Variants in RREB1 observed in about 807,000 individuals in gnomAD.
The protein encoded by RREB1 is ras-responsive element-binding protein 1.
RREB1 carries 27 observed loss-of-function variants against 117.8 expected under a neutral mutation model. The observed-to-expected ratio is 0.23, with a 90% CI of 0.17 to 0.32. The LOEUF is 0.32. Among genes scored for constraint, RREB1 ranks in the 10% least tolerant of loss-of-function variants. The pLI is 1.00. For missense variants in RREB1, 2,577 were observed against 2,378.2 expected (o/e 1.08, Z -1.74); for synonymous variants, 1,298 against 1,026.7 (o/e 1.26, Z -5.05).
rs965683107 is a variant in RREB1, at chr6:7,142,254, A to AG, written c.-285+34196dup. ...AAAAAAGGCTATTTTCTGAGAATGG[A>AG]GGTGGAGGACCACACAAAACCCAGC... On this transcript the variant is annotated intron_variant, in intron 1 of 12. Transcript: ENST00000379938. Among the ~76,000 whole-genome samples the AG allele has an allele frequency of 2.5e-4, 37 of 149,922 alleles. 1 individual carries two copies. Among genetic ancestry groups the AG allele is most frequent in the Admixed American group, 2.1e-3 (32 of 15,098 alleles).
rs192878994 is a variant in RREB1, at chr6:7,209,943, T to C, written c.426-861T>C. Among the ~76,000 whole-genome samples the C allele has an allele frequency of 9.2e-5, 14 of 152,394 alleles. No individual in the cohort carries two copies. The East Asian group carries it at 1.5e-3, about 17-fold the overall frequency. The stretch of plus-strand genomic sequence containing the variant: ...GTGATGAGGGTGATGATGATTGTCA[T>C]TGGCAAAACTAAATCATTTTTATGT... On this transcript the variant is annotated intron_variant, in intron 6 of 12. Coordinates refer to ENST00000379938, the MANE Select transcript of RREB1 (RefSeq NM_001003699.4).
intron 11 of RREB1, among the ~76,000 whole-genome samples, chr6:7,245,259 G>A (rs1768936075): frequency 6.6e-6 from 1 of 152,188 alleles, no homozygotes; most frequent in African/African-American, 2.4e-5. Flanking sequence ...AGCTGGGCGT[G>A]GTGGTGGGCG....
chr6:7,140,996 C>G (rs2113384187), intron 1 of RREB1, among the ~76,000 whole-genome samples: 1 of 152,336 alleles, frequency 6.6e-6, no homozygotes, highest in East Asian at 1.9e-4. Context: ...GGAACACGGT[C>G]TGAGTAGAGT....
At chr6:7,205,512 C>T (rs1766221161) in intron 6 of RREB1, among the ~76,000 whole-genome samples, 1 of 152,222 alleles carries the variant, frequency 6.6e-6, no homozygotes, top group South Asian at 2.1e-4. Flanking sequence ...TCTGTCTACA[C>T]CATCTTTCCA....
At chr6:7,127,580 T>C (rs965147751) in intron 1 of RREB1, among the ~76,000 whole-genome samples, 8 of 152,208 alleles carry the variant, frequency 5.3e-5, no homozygotes, top group African/African-American at 1.7e-4. Flanking sequence ...CTCAAAAATA[T>C]TGAGGATGGA....
At chr6:7,117,286 C>T (rs1055076843) in intron 1 of RREB1, among the ~76,000 whole-genome samples, 2 of 149,166 alleles carry the variant, frequency 1.3e-5, no homozygotes, top group Non-Finnish European at 3.0e-5. Context: ...TCTTAATTTT[C>T]TCATAAAAGA....
chr6:7,138,530 T>C (rs936150310), intron 1 of RREB1, among the ~76,000 whole-genome samples: 8 of 152,224 alleles, frequency 5.3e-5, no homozygotes, highest in African/African-American at 1.9e-4. Flanking sequence ...AATGAAAGTT[T>C]AGTCATTGTA....
At chr6:7,158,871 T>C (rs1227332368) in intron 1 of RREB1, among the ~76,000 whole-genome samples, 3 of 152,198 alleles carry the variant, frequency 2.0e-5, no homozygotes, top group Admixed American at 6.5e-5. Context: ...GACTCTTTTT[T>C]TTTTAAACCT....
chr6:7,116,351 CTT>C (rs113944793), intron 1 of RREB1, among the ~76,000 whole-genome samples: 1 of 152,140 alleles, frequency 6.6e-6, no homozygotes, highest in African/African-American at 2.4e-5. Context: ...ATTTTGTACT[CTT>C]TTTTTCAAGA....
chr6:7,248,407 C>T (rs1038515986), intron 12 of RREB1, 104 bp from the exon 13 acceptor site: 13 of 961,824 alleles, frequency 1.4e-5, no homozygotes, highest in Non-Finnish European at 2.1e-5. Flanking sequence ...GGAGTCCTGG[C>T]CCCCCGCACA....
chr6:7,184,272 T>C (rs771824587), intron 4 of RREB1, among the ~76,000 whole-genome samples: 14 of 148,394 alleles, frequency 9.4e-5, no homozygotes, highest in Non-Finnish European at 1.8e-4. Context: ...TTTATTATTA[T>C]TATTTTTTTT....
At chr6:7,117,241 A>C (rs557320200) in intron 1 of RREB1, among the ~76,000 whole-genome samples, 24 of 152,234 alleles carry the variant, frequency 1.6e-4, no homozygotes, top group Non-Finnish European at 2.5e-4. Flanking sequence ...TCAGTGTAAA[A>C]AACAAAACAT....
chr6:7,108,760 G>C (rs1052254127), intron 1 of RREB1: 2 of 151,876 alleles, frequency 1.3e-5, no homozygotes, highest in African/African-American at 4.8e-5. Flanking sequence ...GGGGCTGCTC[G>C]GTGGGAGCAT....
chr6:7,218,792 TTCTATCCCA>T (rs1767057712), intron 8 of RREB1: 1 of 150,310 alleles, frequency 6.7e-6, no homozygotes, highest in Non-Finnish European at 1.5e-5. Context: ...CACACTGCAT[TTCTATCCCA>T]GCTCAGAATT....
intron 6 of RREB1, among the ~76,000 whole-genome samples, chr6:7,197,201 A>C (rs1765720015): frequency 6.6e-6 from 1 of 152,204 alleles, no homozygotes; most frequent in Non-Finnish European, 1.5e-5. Flanking sequence ...TGTCTCTAAA[A>C]CTGGTATTTT....
At chr6:7,227,427 G>A (rs1767646049) in intron 9 of RREB1, among the ~76,000 whole-genome samples, 1 of 151,956 alleles carries the variant, frequency 6.6e-6, no homozygotes. Flanking sequence ...TGTAATCCCA[G>A]CTACTCGGGA....
At chr6:7,136,489 C>T (rs190635157) in intron 1 of RREB1, among the ~76,000 whole-genome samples, 77 of 152,154 alleles carry the variant, frequency 5.1e-4, no homozygotes, top group African/African-American at 1.6e-3. Flanking sequence ...TTGCCCAGGC[C>T]GGTCTCGAAC....
intron 6 of RREB1, among the ~76,000 whole-genome samples, chr6:7,192,531 G>T (rs1055961543): frequency 2.0e-5 from 3 of 152,098 alleles, no homozygotes; most frequent in Non-Finnish European, 4.4e-5. Flanking sequence ...TCAACAATTT[G>T]TGTCTTTCTA....
intron 1 of RREB1, among the ~76,000 whole-genome samples, chr6:7,110,807 G>A (rs1273259405): frequency 2.6e-5 from 4 of 152,164 alleles, no homozygotes; most frequent in Admixed American, 2.6e-4. Flanking sequence ...GGATTTGCTG[G>A]ATGTGTAATA....
Sources: gnomAD v4.1 joint callset for allele counts (sites outside exome capture counted in the v4.1 genomes callset) on GRCh38, gnomAD v4.1.1 for gene constraint, MANE v1.5 for transcripts, NCBI Gene and HGNC (gene_info 2026-07-23, HGNC 2026-07-21) for gene names.